The following MARCHF1 variants were observed in gnomAD, a reference collection of about 807,000 sequenced individuals.
MARCHF1 encodes membrane associated ring-CH-type finger 1.
In MARCHF1, 40 loss-of-function variants were observed where a neutral mutation model predicts 54.2. The observed-to-expected ratio is 0.74, with a 90% CI of 0.57 to 0.96. The LOEUF (loss-of-function observed/expected upper bound fraction) is 0.96. MARCHF1 is among the 40% of genes least tolerant of loss of function. The probability of loss-of-function intolerance (pLI) is 0.00; values close to 1 mark genes in which losing one functional copy is unlikely to be tolerated. For missense variants in MARCHF1, 586 were observed against 656.5 expected, an observed-to-expected ratio of 0.89 and a Z score of 1.17; for synonymous variants, 236 against 236.3, an observed-to-expected ratio of 1.00 and a Z score of 0.01.
intron 2 of MARCHF1, among the ~76,000 whole-genome samples, chr4:164,021,846 C>T (rs532552250): frequency 4.9e-5 from 6 of 122,944 alleles, no homozygotes; most frequent in African/African-American, 1.6e-4. Context: ...AAAAGTGAAC[C>T]TCCATGTCAA....
intron 1 of MARCHF1, among the ~76,000 whole-genome samples, chr4:164,233,854 CAAGA>C (rs1732479291): frequency 6.6e-6 from 1 of 152,028 alleles, no homozygotes; most frequent in African/African-American, 2.4e-5. Context: ...CCATCACTAC[CAAGA>C]AAGAAAATGG....
intron 1 of MARCHF1, chr4:164,329,869 T>C (rs1347007857): frequency 1.3e-5 from 2 of 152,180 alleles, no homozygotes; most frequent in East Asian, 3.9e-4. Flanking sequence ...TCTAAACACC[T>C]CCTACCAGGC....
At chr4:163,620,602 CACACAGAG>C (rs1259348818) in intron 5 of MARCHF1, among the ~76,000 whole-genome samples, 121 of 97,918 alleles carry the variant, frequency 1.2e-3, no homozygotes, top group South Asian at 7.5e-3. Flanking sequence ...CACACACACA[CACACAGAG>C]AGAGAGAGAG....
At chr4:164,332,857 T>TATA (rs1729596165) in intron 1 of MARCHF1, among the ~76,000 whole-genome samples, 2 of 151,982 alleles carry the variant, frequency 1.3e-5, no homozygotes, top group Non-Finnish European at 2.9e-5. Context: ...AAGCTGCCTA[T>TATA]ATACTTTCAT....
intron 1 of MARCHF1, among the ~76,000 whole-genome samples, chr4:164,356,624 G>A (rs1057140765): frequency 3.6e-5 from 5 of 139,894 alleles, no homozygotes; most frequent in Non-Finnish European, 7.8e-5. Context: ...GGGGTGGGGG[G>A]AGTGGGGAGG....
At chr4:164,177,150 A>C (rs1310385293) in intron 1 of MARCHF1, among the ~76,000 whole-genome samples, 3 of 151,664 alleles carry the variant, frequency 2.0e-5, no homozygotes, top group African/African-American at 7.3e-5. Flanking sequence ...AGACAGGAGT[A>C]GGACATTTGT....
intron 1 of MARCHF1, among the ~76,000 whole-genome samples, chr4:164,325,198 A>G (rs1018202398): frequency 1.3e-5 from 2 of 151,746 alleles, no homozygotes; most frequent in Non-Finnish European, 2.9e-5. Flanking sequence ...TAATAATGAA[A>G]GATGCAGGTA....
At chr4:164,315,566 C>T (rs535530987) in intron 1 of MARCHF1, among the ~76,000 whole-genome samples, 1 of 152,172 alleles carries the variant, frequency 6.6e-6, no homozygotes, top group Non-Finnish European at 1.5e-5. Context: ...CATATGGAGA[C>T]AAAGTTGTCT....
chr4:164,344,032 T>C (rs1052406059), intron 1 of MARCHF1, among the ~76,000 whole-genome samples: 2 of 152,178 alleles, frequency 1.3e-5, no homozygotes, highest in African/African-American at 4.8e-5. Flanking sequence ...TATCATGGAC[T>C]ACTATGCAGC....
intron 3 of MARCHF1, among the ~76,000 whole-genome samples, chr4:163,943,382 G>T (rs1447097024): frequency 6.6e-6 from 1 of 152,048 alleles, no homozygotes; most frequent in Non-Finnish European, 1.5e-5. Flanking sequence ...TAATGAAGGG[G>T]TCCAGTATCA....
intron 4 of MARCHF1, among the ~76,000 whole-genome samples, chr4:163,723,109 C>T (rs1397211996): frequency 1.3e-5 from 2 of 152,224 alleles, no homozygotes; most frequent in Non-Finnish European, 1.5e-5. Context: ...GATGCAGTTT[C>T]TTCCTAGCCT....
At chr4:164,299,779 A>G (rs996563499) in intron 1 of MARCHF1, among the ~76,000 whole-genome samples, 2 of 152,188 alleles carry the variant, frequency 1.3e-5, no homozygotes, top group African/African-American at 4.8e-5. Context: ...ACTCTTACAG[A>G]GGAAAATAGA....
At chr4:164,049,501 C>A (rs1442302832) in intron 2 of MARCHF1, among the ~76,000 whole-genome samples, 2 of 151,926 alleles carry the variant, frequency 1.3e-5, no homozygotes, top group Non-Finnish European at 2.9e-5. Context: ...ATTTACACAC[C>A]TGCTAAAAAT....
intron 4 of MARCHF1, among the ~76,000 whole-genome samples, chr4:163,799,970 T>G (rs1748033077): frequency 6.6e-6 from 1 of 152,102 alleles, no homozygotes; most frequent in Non-Finnish European, 1.5e-5. Flanking sequence ...AAGAATGAAA[T>G]AATGTTCTTT....
intron 1 of MARCHF1, among the ~76,000 whole-genome samples, chr4:164,206,657 G>A (rs1731615114): frequency 6.6e-6 from 1 of 152,068 alleles, no homozygotes; most frequent in African/African-American, 2.4e-5. Flanking sequence ...TCAGTCCATT[G>A]ACTTACTGTA....
intron 1 of MARCHF1, among the ~76,000 whole-genome samples, chr4:164,362,345 T>C (rs1730745168): frequency 6.6e-6 from 1 of 152,188 alleles, no homozygotes; most frequent in Non-Finnish European, 1.5e-5. Context: ...AATAGTGATG[T>C]ACCCCAAACC....
chr4:164,221,781 A>G (rs1732120089), intron 1 of MARCHF1, among the ~76,000 whole-genome samples: 1 of 152,008 alleles, frequency 6.6e-6, no homozygotes, highest in Non-Finnish European at 1.5e-5. Context: ...TGGAAGGAAG[A>G]AAAGGTAAAG....
At chr4:164,007,345 C>CAAAAAAAAAAAAAAA (rs56306052) in intron 2 of MARCHF1, among the ~76,000 whole-genome samples, 30 of 81,764 alleles carry the variant, frequency 3.7e-4, no homozygotes, top group East Asian at 9.7e-4. Flanking sequence ...GACTCCATCT[C>CAAAAAAAAAAAAAAA]AAAAAAAAAA....
chr4:164,255,475 A>C (rs1266652455), intron 1 of MARCHF1, among the ~76,000 whole-genome samples: 1 of 151,866 alleles, frequency 6.6e-6, no homozygotes, highest in Non-Finnish European at 1.5e-5. Context: ...CAAATTCTTC[A>C]ACAACGCCAC....
Sources: allele counts gnomAD v4.1 joint callset (sites outside exome capture counted in the v4.1 genomes callset), GRCh38; gene constraint gnomAD v4.1.1; transcripts MANE v1.5; gene names NCBI Gene and HGNC (gene_info 2026-07-23, HGNC 2026-07-21).